Variants in TMTC4 observed in about 807,000 individuals in gnomAD.
TMTC4 encodes the protein transmembrane O-mannosyltransferase targeting cadherins 4.
In TMTC4, 65 loss-of-function variants were observed where a neutral mutation model predicts 86.0. That is an observed-to-expected ratio of 0.76 (90% CI 0.62 to 0.93). The LOEUF (loss-of-function observed/expected upper bound fraction) is 0.93, where lower values mean the gene tolerates loss of function less well. TMTC4 is among the 40% of genes least tolerant of loss of function. The pLI, the probability that TMTC4 is intolerant of heterozygous loss-of-function variation, is 0.00. For missense variants in TMTC4, 866 were observed against 948.1 expected (o/e 0.91, Z 1.14); for synonymous variants, 379 against 382.5 (o/e 0.99, Z 0.11).
At chr13:100,672,566 C>T (rs1385561794) in intron 1 of TMTC4, among the ~76,000 whole-genome samples, 1 of 152,188 alleles carries the variant, frequency 6.6e-6, no homozygotes, top group Non-Finnish European at 1.5e-5. Flanking sequence ...TCATAGCTCA[C>T]CACAGCTTCA....
intron 1 of TMTC4, among the ~76,000 whole-genome samples, chr13:100,671,190 C>T (rs1376996299): frequency 6.6e-6 from 1 of 152,064 alleles, no homozygotes; most frequent in Non-Finnish European, 1.5e-5. Context: ...TTGGAGATGG[C>T]GTCTTGCTAT....
Position 100,605,250 on chromosome 13 carries a change from A to G in TMTC4, c.2135-108T>C. On this transcript the variant is annotated intron_variant, in intron 18 of 18. Coordinates refer to ENST00000342624, the MANE Select transcript of TMTC4 (RefSeq NM_032813.5). This position sits in a 1 kb window ranked among gnomAD's most constrained non-coding sequence, Gnocchi z 4.3. ...ACAGATCCTATGCAAACAGTTTTCA[A>G]AAGTCAATTGTATGAAACAATATTG... The G allele has an allele frequency of 1.6e-6, 2 of 1,286,400 alleles. No homozygotes were observed. The highest frequency in any genetic ancestry group is 2.4e-5 in the East Asian group (1 of 41,790). 79.7% of individuals were successfully genotyped at this position (1,286,400 alleles called of 1,614,324 possible). A position where few individuals can be genotyped will look rare whatever the true frequency, so the allele number is the denominator to read the frequency against.
intron 15 of TMTC4, 141 bp from the exon 16 acceptor site, chr13:100,614,571 C>T: frequency 4.8e-6 from 3 of 625,460 alleles, no homozygotes; most frequent in African/African-American, 1.8e-5. Context: ...AATTATGGAG[C>T]TTCTAGTTTT....
chr13:100,614,114 C>T (rs59489681), intron 16 of TMTC4, among the ~76,000 whole-genome samples: 2,867 of 152,046 alleles, frequency 0.019, 78 homozygotes, highest in African/African-American at 0.057. Flanking sequence ...GCTGGGATTA[C>T]AGGTGTGAGC....
At chr13:100,647,542 C>G (rs1883916023) in intron 6 of TMTC4, among the ~76,000 whole-genome samples, 1 of 152,130 alleles carries the variant, frequency 6.6e-6, no homozygotes, top group South Asian at 2.1e-4. Flanking sequence ...AGTCTCTGTT[C>G]TTAATTTCAA....
At chr13:100,658,096 T>C (rs1332534914) in intron 5 of TMTC4, among the ~76,000 whole-genome samples, 1 of 151,958 alleles carries the variant, frequency 6.6e-6, no homozygotes, top group Non-Finnish European at 1.5e-5. Flanking sequence ...GCTTTATGAA[T>C]GAAATGAATA....
intron 7 of TMTC4, among the ~76,000 whole-genome samples, chr13:100,641,948 A>G (rs1349375714): frequency 6.6e-6 from 1 of 152,150 alleles, no homozygotes; most frequent in Non-Finnish European, 1.5e-5. Flanking sequence ...TCTCAAGAGC[A>G]CTCATCATGG....
chr13:100,636,440 T>C, intron 10 of TMTC4, 92 bp downstream of exon 10: 1 of 1,460,974 alleles, frequency 6.8e-7, no homozygotes, highest in Non-Finnish European at 9.5e-7. Context: ...AGACGTGACT[T>C]CCACAAAATC....
intron 1 of TMTC4, chr13:100,674,142 C>T (rs1887506364): frequency 2.0e-6 from 2 of 983,414 alleles, no homozygotes; most frequent in Non-Finnish European, 2.4e-6. Flanking sequence ...TCCGAGCCCA[C>T]GCCGGGAAGC....
In TMTC4 at chr13:100,637,715, C is replaced by G. The variant is rs3809372; in HGVS notation, c.835-13G>C. ...GCATGCCGAGATTCTGCAAGGACAT[C>G]GCAAAGCCCCAGAGGTGGCTGATTT... is the stretch of plus-strand genomic sequence containing the variant. On this transcript the variant is annotated splice_polypyrimidine_tract_variant and intron_variant, in intron 8 of 18. Coordinates refer to ENST00000342624, the MANE Select transcript of TMTC4 (RefSeq NM_032813.5). 6.2e-7 allele frequency: 1 copy of G among 1,611,806 alleles called. No homozygotes were observed. The highest frequency in any genetic ancestry group is 1.7e-5 in the Admixed American group (1 of 59,882).
chr13:100,614,342 T>C lies in TMTC4; in HGVS notation c.1925A>G (p.Asn642Ser). 2 of 1,613,900 alleles carry C rather than the reference T, an allele frequency of 1.2e-6. No homozygotes were observed. The highest frequency in any genetic ancestry group is 1.7e-6 in the Non-Finnish European group (2 of 1,179,954). ...TGTATTGTCGAGGAGTATAATCATG[T>C]TGTTCCAGGCCAGGCTGTGCTCTGG... ...LKPEHSLAWNNMIILLDNTGN... is the reference protein window; with the variant it reads ...LKPEHSLAWNSMIILLDNTGN... The change falls in exon 16 of 19, where the codon AAC becomes AGC. Residue 642 changes from asparagine (N) to serine (S), a missense_variant. Asn to Ser is a conservative substitution (Grantham distance 46). Transcript: ENST00000342624.
At chr13:100,611,803 G>A (rs1281129289) in intron 17 of TMTC4, among the ~76,000 whole-genome samples, 1 of 152,162 alleles carries the variant, frequency 6.6e-6, no homozygotes, top group Non-Finnish European at 1.5e-5. Flanking sequence ...GCTGCCAACT[G>A]GAGCAAAGAT....
At chr13:100,669,902 C>T (rs1886876682) in intron 2 of TMTC4, among the ~76,000 whole-genome samples, 1 of 152,160 alleles carries the variant, frequency 6.6e-6, no homozygotes, top group Non-Finnish European at 1.5e-5. Context: ...CCTCTCTGGG[C>T]CTGTTTCCTC....
chr13:100,620,643 T>C (rs1879326559), intron 15 of TMTC4, among the ~76,000 whole-genome samples: 1 of 152,146 alleles, frequency 6.6e-6, no homozygotes, highest in Non-Finnish European at 1.5e-5. Context: ...CATCATGCAT[T>C]GTCTTCCGCA....
At position 100,637,613 on chromosome 13, in the gene TMTC4, C is replaced by A; in HGVS notation, c.924G>T (p.Arg308Ser). 1 of 1,614,204 alleles carries A rather than the reference C, an allele frequency of 6.2e-7. No homozygotes were observed. Among genetic ancestry groups the A allele is most frequent in the Non-Finnish European group, 8.5e-7 (1 of 1,180,040 alleles). Residue 308 changes from arginine (R) to serine (S), a missense_variant, in exon 9 of 19, where the codon AGG becomes AGT. Transcript: ENST00000342624. Reference protein sequence around the residue: ...GGAGMLYVRWRIMGTGPPAFT... With the variant: ...GGAGMLYVRWSIMGTGPPAFT... The stretch of plus-strand genomic sequence containing the variant: ...AGGCCGGCGGGCCCGTGCCCATGAT[C>A]CTCCAGCGCACGTAGAGCATCCCAG...
chr13:100,661,538 T>C (rs1464827018), intron 5 of TMTC4, among the ~76,000 whole-genome samples: 1 of 152,218 alleles, frequency 6.6e-6, no homozygotes, highest in Admixed American at 6.5e-5. Flanking sequence ...GGCTGCACTA[T>C]ATCTGGGTCC....
At chr13:100,669,955 T>C (rs904450850) in intron 2 of TMTC4, among the ~76,000 whole-genome samples, 2 of 152,096 alleles carry the variant, frequency 1.3e-5, no homozygotes, top group African/African-American at 2.4e-5. Flanking sequence ...CTTCTAGAGT[T>C]GTCATGAGGG....
intron 6 of TMTC4, among the ~76,000 whole-genome samples, chr13:100,645,643 G>A (rs887445861): frequency 6.6e-6 from 1 of 152,164 alleles, no homozygotes; most frequent in Non-Finnish European, 1.5e-5. Context: ...GACTGCCGCT[G>A]TGAGGTGAGC....
At chr13:100,674,816 C>T (rs1253891357), upstream of TMTC4, 2 of 978,978 alleles carry the variant, frequency 2.0e-6, no homozygotes, top group Non-Finnish European at 2.4e-6. Flanking sequence ...GGCACCCGCC[C>T]GGACCTGGCA....
Sources: gnomAD v4.1 joint callset for allele counts (sites outside exome capture counted in the v4.1 genomes callset) on GRCh38, gnomAD v4.1.1 for gene constraint, Gnocchi (gnomAD v3.1) non-coding constraint, MANE v1.5 for transcripts, NCBI Gene and HGNC (gene_info 2026-07-23, HGNC 2026-07-21) for gene names.